ARHGAP36: variants seen among roughly 807,000 people sequenced by gnomAD.
ARHGAP36 encodes rho GTPase-activating protein 36.
Under a neutral mutation model 32.9 loss-of-function variants are expected in ARHGAP36, and 7 were observed. The ratio of observed to expected loss-of-function variants is 0.21; its 90% confidence interval spans 0.12 to 0.40. ARHGAP36 has a LOEUF of 0.40. Among genes scored for constraint, ARHGAP36 ranks in the 10% least tolerant of loss-of-function variants. ARHGAP36 has a pLI of 1.00. For missense variants in ARHGAP36, 383 were observed against 442.2 expected (o/e 0.87, Z 1.20); for synonymous variants, 165 against 168.3 (o/e 0.98, Z 0.15).
chrX:131,065,268 C>T (rs1459241881), intron 1 of ARHGAP36, among the ~76,000 whole-genome samples: 1 of 112,135 alleles, frequency 8.9e-6, no homozygotes, highest in Non-Finnish European at 1.9e-5. Context: ...GTTTGTCTTC[C>T]ATTGCACAGG....
chrX:131,065,707 T>A (rs1284249290), intron 1 of ARHGAP36, among the ~76,000 whole-genome samples: 1 of 111,764 alleles, frequency 8.9e-6, no homozygotes, highest in Non-Finnish European at 1.9e-5. Flanking sequence ...TACATAATAC[T>A]TTAGGCAATG....
At chrX:131,064,277 G>A (rs1351313838) in intron 1 of ARHGAP36, among the ~76,000 whole-genome samples, 1 of 111,692 alleles carries the variant, frequency 9.0e-6, no homozygotes. Context: ...TTAACACTGC[G>A]AGGAGAAACT....
chrX:131,065,402 T>C (rs1437910688), intron 1 of ARHGAP36, among the ~76,000 whole-genome samples: 2 of 111,127 alleles, frequency 1.8e-5, no homozygotes, highest in African/African-American at 6.6e-5. Flanking sequence ...TGTGTGCTGG[T>C]GTTGAGAAGC....
Position 131,086,653 on chromosome X carries a change from C to G in ARHGAP36, c.1474C>G (p.Pro492Ala). ...GGCTGCTGTCCTTGCTCAAAGCAAGCCTTCTGATGAAGGTCAGTTCCCTGC... is the reference window on the plus strand; with the variant it reads ...GGCTGCTGTCCTTGCTCAAAGCAAGGCTTCTGATGAAGGTCAGTTCCCTGC... The part of the protein sequence containing the change: ...ARAAVLAQSK[P>A]SDEGSSEEPA... The change falls in exon 11 of 12, where the codon CCT (proline) becomes GCT (alanine). Residue 492 changes from proline (P) to alanine (A), a missense_variant. Physicochemically the swap from Pro to Ala is conservative, Grantham distance 27 (BLOSUM62 -1). Coordinates refer to ENST00000276211, the MANE Select transcript of ARHGAP36 (RefSeq NM_144967.4). The G allele has an allele frequency of 5.0e-6, 6 of 1,211,256 alleles. No homozygotes were observed. In the Admixed American group the frequency reaches 1.1e-4, roughly 22 times the overall value.
intron 1 of ARHGAP36, among the ~76,000 whole-genome samples, chrX:131,074,907 C>T (rs1318075799): frequency 1.8e-5 from 2 of 112,243 alleles, no homozygotes; most frequent in Non-Finnish European, 3.8e-5. Flanking sequence ...TAGACTAATC[C>T]CCACATATCA....
chrX:131,073,470 G>A (rs145767459), intron 1 of ARHGAP36, among the ~76,000 whole-genome samples: 2,973 of 112,232 alleles, frequency 0.026, 99 homozygotes, highest in African/African-American at 0.09. Flanking sequence ...CGGGTGCTCG[G>A]GCGGAGGGTC....
At chrX:131,084,459 G>A (rs752638035) in intron 5 of ARHGAP36, 52 bp downstream of exon 5, 2 of 1,162,012 alleles carry the variant, frequency 1.7e-6, no homozygotes, top group South Asian at 1.9e-5. Flanking sequence ...GGGAAAGGAG[G>A]GATGTTCTGG....
At chrX:131,074,384 C>T (rs2079750216) in intron 1 of ARHGAP36, among the ~76,000 whole-genome samples, 1 of 108,620 alleles carries the variant, frequency 9.2e-6, no homozygotes, top group Non-Finnish European at 1.9e-5. Context: ...AGGGAAAATG[C>T]TTATGTAAGA....
chrX:131,085,192 A>T (rs781525445), intron 7 of ARHGAP36, 128 bp downstream of exon 7: 200 of 627,148 alleles, frequency 3.2e-4, no homozygotes, highest in Non-Finnish European at 4.2e-4. Flanking sequence ...AGAAGATTTT[A>T]AAAACCTCTC....
At chrX:131,061,126 G>A (rs1417159072) in intron 1 of ARHGAP36, among the ~76,000 whole-genome samples, 1 of 109,270 alleles carries the variant, frequency 9.2e-6, no homozygotes, top group Non-Finnish European at 1.9e-5. Context: ...GCATGTGACA[G>A]CAATTTTTTT....
intron 5 of ARHGAP36, 30 bp from the exon 6 acceptor site, chrX:131,084,595 AT>A: frequency 8.3e-7 from 1 of 1,207,740 alleles, no homozygotes; most frequent in Non-Finnish European, 1.1e-6. Flanking sequence ...GGATTCAGAG[AT>A]GCTTAGCATC....
chrX:131,078,760 G>T (rs1490744708), intron 1 of ARHGAP36: 3 of 978,683 alleles, frequency 3.1e-6, no homozygotes, highest in Non-Finnish European at 2.7e-6. Context: ...AGCAAGTAAG[G>T]CAATGCCAAT....
At chrX:131,066,538 C>T (rs1423204554) in intron 1 of ARHGAP36, among the ~76,000 whole-genome samples, 2 of 111,961 alleles carry the variant, frequency 1.8e-5, no homozygotes, top group Non-Finnish European at 3.8e-5. Flanking sequence ...AGAAAGTATC[C>T]GCTGTCTGGG....
rs1370442532 is a variant in ARHGAP36, at chrX:131,081,588, A to T, written c.-78A>T. ...GCCTCCCAGTTTTCCCTCCCCCTCT[A>T]CCCCCACCCCCATAGTTCTCTCCAC... On this transcript the variant is annotated 5_prime_UTR_variant, in exon 2 of 12. Coordinates refer to ENST00000276211, the MANE Select transcript of ARHGAP36 (RefSeq NM_144967.4). 226 of 536,857 alleles carry T rather than the reference A, an allele frequency of 4.2e-4. No individual in the cohort carries two copies. The highest frequency in any genetic ancestry group is 8.8e-4 in the Middle Eastern group (1 of 1,139). 44.2% of individuals were successfully genotyped at this position (536,857 alleles called of 1,213,427 possible).
Position 131,076,560 on chromosome X carries a change from C to T in ARHGAP36, c.-142-4964C>T, listed in dbSNP as rs761429368. Among the ~76,000 whole-genome samples, 7 of 112,488 alleles carry T rather than the reference C, an allele frequency of 6.2e-5. No individual in the cohort carries two copies. The East Asian group carries it at 1.9e-3, about 31-fold the overall frequency. On this transcript the variant is annotated intron_variant, in intron 1 of 11. Coordinates refer to ENST00000276211, the MANE Select transcript of ARHGAP36 (RefSeq NM_144967.4). ...GCTGTAATATGTGGTGGCTGCCTGC[C>T]GTCAGATATGACCTACCCTGGCTTA...
Position 131,083,134 on chromosome X carries a change from A to T in ARHGAP36, c.254-31A>T, listed in dbSNP as rs376882228. The T allele has an allele frequency of 1.0e-5, 12 of 1,185,360 alleles. No homozygotes were observed. In the African/African-American group the frequency reaches 1.9e-4, roughly 19 times the overall value. ...AGTCACTTATTAAGTCCTATTTGTA[A>T]GTGTATCTTTTCTTTTTTCTCTTTC... On this transcript the variant is annotated intron_variant, in intron 2 of 11. Coordinates refer to ENST00000276211, the MANE Select transcript of ARHGAP36 (RefSeq NM_144967.4).
chrX:131,071,582 T>C (rs900186054), intron 1 of ARHGAP36, among the ~76,000 whole-genome samples: 2 of 111,918 alleles, frequency 1.8e-5, no homozygotes, highest in Non-Finnish European at 3.8e-5. Flanking sequence ...ACACTGGGCT[T>C]CTGGATCTTA....
intron 1 of ARHGAP36, among the ~76,000 whole-genome samples, chrX:131,079,306 C>T (rs755494576): frequency 9.0e-6 from 1 of 111,664 alleles, no homozygotes; most frequent in South Asian, 3.8e-4. Context: ...TTGCAAGTTG[C>T]AGTTTGGTGG....
chrX:131,069,226 G>T lies in ARHGAP36; in HGVS notation c.-143+10782G>T, dbSNP rs184080890. On this transcript the variant is annotated intron_variant, in intron 1 of 11. Transcript: ENST00000276211. ...ACTCCGGAATGATCCGCGGCCAGATGACTTTCTGGCTCCTGTCCTCCACTT... is the reference window on the plus strand; with the variant it reads ...ACTCCGGAATGATCCGCGGCCAGATTACTTTCTGGCTCCTGTCCTCCACTT... Among the ~76,000 whole-genome samples, 233 of 112,496 alleles carry T rather than the reference G, an allele frequency of 2.1e-3. 1 individual carries two copies. The highest frequency in any genetic ancestry group is 7.1e-3 in the African/African-American group (219 of 31,023).
Sources: gnomAD v4.1 joint callset for allele counts (sites outside exome capture counted in the v4.1 genomes callset) on GRCh38, gnomAD v4.1.1 for gene constraint, MANE v1.5 for transcripts, NCBI Gene and HGNC (gene_info 2026-07-23, HGNC 2026-07-21) for gene names.